PDE10A: variants seen among roughly 807,000 people sequenced by gnomAD.
The protein encoded by PDE10A is phosphodiesterase 10A.
Under a neutral mutation model 97.7 loss-of-function variants are expected in PDE10A, and 39 were observed. The observed-to-expected ratio is 0.40, with a 90% confidence interval of 0.31 to 0.52. The LOEUF is 0.52. PDE10A is among the 20% of genes least tolerant of loss of function. The pLI, the probability that PDE10A is intolerant of heterozygous loss-of-function variation, is 0.56. For synonymous variants in PDE10A, 371 were observed against 376.8 expected (o/e 0.98, Z 0.18); for missense variants, 731 against 1,047.8 (o/e 0.70, Z 4.17).
intron 1 of PDE10A, among the ~76,000 whole-genome samples, chr6:165,959,728 T>C (rs1784301412): frequency 6.6e-6 from 1 of 151,914 alleles, no homozygotes; most frequent in Non-Finnish European, 1.5e-5. Context: ...ACCTCCCGAG[T>C]AGGGTCTGAA....
chr6:165,424,170 T>C (rs1359432454), intron 10 of PDE10A, among the ~76,000 whole-genome samples: 1 of 152,130 alleles, frequency 6.6e-6, no homozygotes, highest in Non-Finnish European at 1.5e-5. Context: ...AGTCACAGCA[T>C]CAGGAAAGCT....
intron 1 of PDE10A, among the ~76,000 whole-genome samples, chr6:165,624,808 A>T (rs117130474): frequency 0.076 from 11,502 of 152,318 alleles, 583 homozygotes; most frequent in Middle Eastern, 0.12. Context: ...TGACATGATC[A>T]TAAGTGTTTT....
At chr6:165,784,090 C>A (rs1778421755) in intron 1 of PDE10A, among the ~76,000 whole-genome samples, 1 of 151,906 alleles carries the variant, frequency 6.6e-6, no homozygotes, top group South Asian at 2.1e-4. Context: ...TTGTTGCATG[C>A]ACCTGTAGTC....
chr6:165,555,171 T>C (rs1253044864), intron 1 of PDE10A, among the ~76,000 whole-genome samples: 2 of 152,142 alleles, frequency 1.3e-5, no homozygotes, highest in African/African-American at 4.8e-5. Flanking sequence ...AGAATGTAAT[T>C]GGAGTGTTTG....
At chr6:165,509,307 A>C (rs1161371334) in intron 2 of PDE10A, among the ~76,000 whole-genome samples, 1 of 151,960 alleles carries the variant, frequency 6.6e-6, no homozygotes, top group African/African-American at 2.4e-5. Context: ...ATGGATATCC[A>C]ATTTTCCCAG....
intron 1 of PDE10A, among the ~76,000 whole-genome samples, chr6:165,821,231 G>T (rs1054488994): frequency 1.3e-4 from 20 of 152,170 alleles, no homozygotes; most frequent in African/African-American, 4.8e-4. Flanking sequence ...CAGAACTCCG[G>T]CTGATAGTGC....
At chr6:165,447,763 A>C (rs953797048) in intron 5 of PDE10A, among the ~76,000 whole-genome samples, 1 of 152,194 alleles carries the variant, frequency 6.6e-6, no homozygotes, top group African/African-American at 2.4e-5. Context: ...ATTAATAAAC[A>C]TTCTTATCTG....
intron 3 of PDE10A, among the ~76,000 whole-genome samples, chr6:165,461,388 T>C (rs1188522743): frequency 6.6e-6 from 1 of 152,234 alleles, no homozygotes; most frequent in East Asian, 1.9e-4. Context: ...GTTTTACAGA[T>C]GGATCTAGTA....
At chr6:165,816,171 A>G (rs1874194) in intron 1 of PDE10A, among the ~76,000 whole-genome samples, 2,711 of 151,830 alleles carry the variant, frequency 0.018, 192 homozygotes, top group Admixed American at 0.12. Context: ...GGATGCTCTC[A>G]ATCTCCTGAC....
intron 1 of PDE10A, among the ~76,000 whole-genome samples, chr6:165,953,669 C>T (rs1429072874): frequency 6.6e-6 from 1 of 152,204 alleles, no homozygotes; most frequent in African/African-American, 2.4e-5. Flanking sequence ...AGAGAGTCCT[C>T]CCGTCCCCGG....
intron 13 of PDE10A, among the ~76,000 whole-genome samples, chr6:165,402,946 TTTAGGGTCGGGCAAC>T (rs1387731427): frequency 6.6e-6 from 1 of 152,154 alleles, no homozygotes; most frequent in Non-Finnish European, 1.5e-5. Context: ...CTAGAGTCAC[TTTAGGGTCGGGCAAC>T]TCTTAGAAAT....
chr6:165,623,620 G>T (rs147370570), intron 1 of PDE10A, among the ~76,000 whole-genome samples: 1 of 152,182 alleles, frequency 6.6e-6, no homozygotes, highest in African/African-American at 2.4e-5. Flanking sequence ...ACTTACTTCA[G>T]GAAAGCAGGC....
At position 165,501,158 on chromosome 6, in the gene PDE10A, C is replaced by A. The variant is rs116752869; in HGVS notation, c.995-18815G>T. On this transcript the variant is annotated intron_variant, in intron 2 of 21. Transcript: ENST00000539869. ...CTGGGCCAATTTGTCTTTCTCTATA[C>A]TTTGTGCCTGTGTCTCTTTCTTTTC... 7.3e-3 allele frequency among the ~76,000 whole-genome samples: 1,113 copies of A among 152,282 alleles called. 7 individuals carry two copies. The highest frequency in any genetic ancestry group is 0.026 in the African/African-American group (1,066 of 41,554).
At chr6:165,693,026 T>G (rs550086363) in intron 1 of PDE10A, among the ~76,000 whole-genome samples, 1 of 152,266 alleles carries the variant, frequency 6.6e-6, no homozygotes, top group East Asian at 1.9e-4. Flanking sequence ...ATTAACAGCT[T>G]AAAAGATATA....
chr6:165,973,614 C>T (rs1160305858), intron 1 of PDE10A, among the ~76,000 whole-genome samples: 2 of 151,812 alleles, frequency 1.3e-5, no homozygotes, highest in East Asian at 1.9e-4. Flanking sequence ...TTGTTCCTGG[C>T]AGTCTGAAGA....
At chr6:165,595,426 AATT>A (rs1357755272) in intron 1 of PDE10A, among the ~76,000 whole-genome samples, 1 of 152,212 alleles carries the variant, frequency 6.6e-6, no homozygotes, top group Non-Finnish European at 1.5e-5. Flanking sequence ...ATCAAAATTA[AATT>A]ATTATCTTTC....
chr6:165,664,510 T>G (rs1790446998), upstream of PDE10A, among the ~76,000 whole-genome samples: 1 of 152,190 alleles, frequency 6.6e-6, no homozygotes, highest in Non-Finnish European at 1.5e-5. Context: ...GGCATCAGAC[T>G]TGGCACTCAC....
intron 1 of PDE10A, among the ~76,000 whole-genome samples, chr6:165,831,795 T>C (rs916187892): frequency 1.3e-5 from 2 of 152,138 alleles, no homozygotes; most frequent in Non-Finnish European, 2.9e-5. Flanking sequence ...GCAGGAATCA[T>C]TTCCTTAGTA....
rs75761044 is a variant in PDE10A, at chr6:165,799,489, A to G, written c.-615+188040T>C. On this transcript the variant is annotated intron_variant, in intron 1 of 19. Transcript: ENST00000366882. ...TCACTATGGAGGGATTTTCCCTAGAAGAGCTTGCAAATGCATTTTCTGTTT... is the reference window on the plus strand; with the variant it reads ...TCACTATGGAGGGATTTTCCCTAGAGGAGCTTGCAAATGCATTTTCTGTTT... 1.4e-3 allele frequency among the ~76,000 whole-genome samples: 214 copies of G among 152,314 alleles called. 1 individual carries two copies. Among genetic ancestry groups the G allele is most frequent in the African/African-American group, 4.8e-3 (199 of 41,556 alleles).
Sources: allele counts gnomAD v4.1 joint callset (sites outside exome capture counted in the v4.1 genomes callset), GRCh38; gene constraint gnomAD v4.1.1; transcripts MANE v1.5; gene names NCBI Gene and HGNC (gene_info 2026-07-23, HGNC 2026-07-21).